Variants in CASP5 observed in about 807,000 individuals in gnomAD.
CASP5 encodes caspase-5.
In CASP5, 42 loss-of-function variants were observed where a neutral mutation model predicts 45.2. The ratio of observed to expected loss-of-function variants is 0.93; its 90% CI spans 0.73 to 1.20. The LOEUF (loss-of-function observed/expected upper bound fraction) is 1.20. Among genes scored for constraint, CASP5 ranks in the 50% most tolerant of loss-of-function variants. The pLI, the probability that CASP5 is intolerant of heterozygous loss-of-function variation, is 0.00. For synonymous variants in CASP5, 209 were observed against 186.2 expected, an observed-to-expected ratio of 1.12 and a Z score of -1.00; for missense variants, 512 against 532.2, an observed-to-expected ratio of 0.96 and a Z score of 0.37.
chr11:105,005,610 G>A (rs1003003611), intron 3 of CASP5, among the ~76,000 whole-genome samples: 1 of 152,094 alleles, frequency 6.6e-6, no homozygotes, highest in African/African-American at 2.4e-5. Context: ...GAATACAAAT[G>A]CAGATAGAGT....
intron 6 of CASP5, among the ~76,000 whole-genome samples, chr11:104,999,411 C>T (rs1861619302): frequency 6.6e-6 from 1 of 152,174 alleles, no homozygotes; most frequent in Non-Finnish European, 1.5e-5. Context: ...ACACAGTATT[C>T]CATGGGATAT....
chr11:105,009,093 C>A (rs1020971946), intron 1 of CASP5, 113 bp from the exon 2 acceptor site: 12 of 872,120 alleles, frequency 1.4e-5, no homozygotes, highest in Non-Finnish European at 1.8e-5. Flanking sequence ...TTCTGTCTTA[C>A]CATGTCTTCA....
intron 1 of CASP5, among the ~76,000 whole-genome samples, chr11:105,018,461 T>C (rs12794429): frequency 6.6e-6 from 1 of 151,866 alleles, no homozygotes; most frequent in East Asian, 1.9e-4. Flanking sequence ...TGGAGGAAGA[T>C]CTGCCAAGCA....
In CASP5 at chr11:104,999,026, T is replaced by C. The variant is rs1216757571; in HGVS notation, c.955A>G (p.Lys319Glu). 6.3e-7 allele frequency: 1 copy of C among 1,592,138 alleles called. No individual in the cohort carries two copies. The highest frequency in any genetic ancestry group is 8.5e-7 in the Non-Finnish European group (1 of 1,173,686). The change falls in exon 7 of 10, where the codon AAA (lysine) becomes GAA (glutamate). Residue 319 changes from lysine to glutamate, a missense_variant and splice_region_variant. Coordinates refer to ENST00000260315, the MANE Select transcript of CASP5 (RefSeq NM_004347.5). ...TCTCTGACCCAGAGTTCCCCATGTT[T>C]TTCTGTAGAGACATCAACTTTCTTT... ...VIIVQACRGE[K>E]HGELWVRDSP...
At position 105,000,379 on chromosome 11, in the gene CASP5, A is replaced by T. The variant is rs770867388; in HGVS notation, c.834T>A (p.His278Gln). Residue 278 changes from histidine to glutamine, a missense_variant, in exon 6 of 10, where the codon CAT becomes CAA. Transcript: ENST00000260315. Reference sequence around the variant, plus strand: ...GCAGCACATCCGGTTTTTTCTTTTTATGCGCAGTTCCGCAGATTCCCTCTA... The same window carrying T: ...GCAGCACATCCGGTTTTTTCTTTTTTTGCGCAGTTCCGCAGATTCCCTCTA... The part of the protein sequence containing the change: ...GILEGICGTA[H>Q]KKKKPDVLLY... 1 of 1,614,166 alleles carries T rather than the reference A, an allele frequency of 6.2e-7. No homozygotes were observed. The highest frequency in any genetic ancestry group is 8.5e-7 in the Non-Finnish European group (1 of 1,180,012).
intron 1 of CASP5, 58 bp downstream of exon 1, chr11:105,023,072 C>T: frequency 6.6e-7 from 1 of 1,519,952 alleles, no homozygotes; most frequent in East Asian, 2.5e-5. Flanking sequence ...AGCAATAAAT[C>T]AAGATTTTTC....
chr11:105,018,731 C>T (rs1220968459), intron 1 of CASP5, among the ~76,000 whole-genome samples: 1 of 145,430 alleles, frequency 6.9e-6, no homozygotes, highest in South Asian at 2.3e-4. Context: ...CCACTGTCAA[C>T]ATTAGACAGA....
intron 2 of CASP5, 72 bp from the exon 3 acceptor site, chr11:105,007,406 C>T (rs1254948030): frequency 2.2e-6 from 3 of 1,379,628 alleles, no homozygotes; most frequent in Non-Finnish European, 2.9e-6. Context: ...TAAGACATAA[C>T]TCTGTAATAT....
At position 105,000,469 on chromosome 11, in the gene CASP5, A is replaced by G. The variant is rs1186510643; in HGVS notation, c.744T>C (p.Phe248=). Residue 248 remains phenylalanine (F), a synonymous_variant, in exon 6 of 10, where the codon TTT becomes TTC. Transcript: ENST00000260315. ...AGGACTTGTGCTCTGGTCTGGCAGC[A>G]AATGCCCTCAGCACTGACTCCATAT... ...ARDMESVLRA[F]AARPEHKSSD... 1 of 1,614,076 alleles carries G rather than the reference A, an allele frequency of 6.2e-7. No individual in the cohort carries two copies. The highest frequency in any genetic ancestry group is 1.7e-5 in the Admixed American group (1 of 60,008).
intron 1 of CASP5, among the ~76,000 whole-genome samples, chr11:105,019,841 G>T (rs1248973248): frequency 1.4e-5 from 2 of 145,018 alleles, no homozygotes; most frequent in African/African-American, 5.0e-5. Flanking sequence ...AAGCCGGGCA[G>T]AGACACAACC....
At chr11:105,018,134 C>A (rs1488948320) in intron 1 of CASP5, among the ~76,000 whole-genome samples, 1 of 151,398 alleles carries the variant, frequency 6.6e-6, no homozygotes. Context: ...CCAGGCCTGC[C>A]CTAAAAGAGC....
chr11:105,011,972 A>G (rs1414469918), intron 1 of CASP5, among the ~76,000 whole-genome samples: 1 of 151,834 alleles, frequency 6.6e-6, no homozygotes, highest in Non-Finnish European at 1.5e-5. Context: ...TTAAAAATTC[A>G]AATAGCCAAA....
At chr11:105,021,561 G>A (rs950968577) in intron 1 of CASP5, among the ~76,000 whole-genome samples, 1 of 150,590 alleles carries the variant, frequency 6.6e-6, no homozygotes, top group African/African-American at 2.4e-5. Context: ...ATGAAAAAGT[G>A]CTCACCATCA....
chr11:105,012,727 G>C (rs1348908344), intron 1 of CASP5, among the ~76,000 whole-genome samples: 2 of 143,012 alleles, frequency 1.4e-5, no homozygotes, highest in Non-Finnish European at 3.1e-5. Flanking sequence ...ACACCTGTTA[G>C]AATGATTAGA....
At chr11:105,017,021 T>C (rs1307754713) in intron 1 of CASP5, among the ~76,000 whole-genome samples, 1 of 151,252 alleles carries the variant, frequency 6.6e-6, no homozygotes, top group Admixed American at 6.6e-5. Flanking sequence ...GCAGCCTAAC[T>C]GGGAGGCACC....
chr11:105,006,613 G>A (rs1299163983), intron 3 of CASP5, among the ~76,000 whole-genome samples: 1 of 152,202 alleles, frequency 6.6e-6, no homozygotes, highest in African/African-American at 2.4e-5. Flanking sequence ...TCAGATGAGA[G>A]AGTCCTGAAT....
At chr11:105,005,626 G>A (rs894766019) in intron 3 of CASP5, among the ~76,000 whole-genome samples, 25 of 152,122 alleles carry the variant, frequency 1.6e-4, no homozygotes, top group Admixed American at 6.6e-5. Flanking sequence ...AGAGTGCAGA[G>A]AGCCACTGGA....
intron 1 of CASP5, among the ~76,000 whole-genome samples, chr11:105,009,258 A>G (rs1485410698): frequency 3.3e-5 from 5 of 151,798 alleles, no homozygotes; most frequent in Admixed American, 6.6e-5. Context: ...ATTCCTGGTC[A>G]TCCATTGTAT....
intron 6 of CASP5, 46 bp downstream of exon 6, chr11:105,000,214 TC>T: frequency 6.3e-7 from 1 of 1,590,636 alleles, no homozygotes; most frequent in Non-Finnish European, 8.6e-7. Context: ...ATCACAATCC[TC>T]TGCATACACC....
Sources: gnomAD v4.1 joint callset for allele counts (sites outside exome capture counted in the v4.1 genomes callset) on GRCh38, gnomAD v4.1.1 for gene constraint, MANE v1.5 for transcripts, NCBI Gene and HGNC (gene_info 2026-07-23, HGNC 2026-07-21) for gene names.